The following PIK3CB variants were observed in gnomAD, a reference collection of about 807,000 sequenced individuals.
The protein encoded by PIK3CB is phosphatidylinositol 4,5-bisphosphate 3-kinase catalytic subunit beta isoform.
In PIK3CB, 39 loss-of-function variants were observed where a neutral mutation model predicts 136.8. The observed-to-expected ratio is 0.29, with a 90% CI of 0.22 to 0.37. The LOEUF is 0.37. Ranked by LOEUF, PIK3CB falls within the 10% of genes least tolerant of loss-of-function variation. The probability of loss-of-function intolerance (pLI) is 1.00; values close to 1 mark genes in which losing one functional copy is unlikely to be tolerated. For synonymous variants in PIK3CB, 428 were observed against 436.6 expected, an observed-to-expected ratio of 0.98 and a Z score of 0.25; for missense variants, 868 against 1,275.4, an observed-to-expected ratio of 0.68 and a Z score of 4.87.
intron 1 of PIK3CB, among the ~76,000 whole-genome samples, chr3:138,811,947 G>A (rs1189962912): frequency 1.3e-5 from 2 of 152,034 alleles, no homozygotes; most frequent in African/African-American, 4.8e-5. Flanking sequence ...AAAATTAGCT[G>A]GGTGTAGTGG....
rs376776726 is a variant in PIK3CB at position 138,729,919 on chromosome 3, A to T, written c.1050+3442T>A. Reference sequence around the variant, plus strand: ...TTTACCCTTATCACTTCTATTTGAAATTGTACTGGGATTCTTAGCCAGTGC... The same window carrying T: ...TTTACCCTTATCACTTCTATTTGAATTTGTACTGGGATTCTTAGCCAGTGC... On this transcript the variant is annotated intron_variant, in intron 8 of 23. Transcript: ENST00000674063. 8.5e-5 allele frequency among the ~76,000 whole-genome samples: 13 copies of T among 152,304 alleles called. No individual in the cohort carries two copies. The South Asian group carries it at 2.7e-3, about 32-fold the overall frequency.
At chr3:138,744,805 T>A (rs1377083686) in intron 4 of PIK3CB, among the ~76,000 whole-genome samples, 1 of 152,220 alleles carries the variant, frequency 6.6e-6, no homozygotes, top group Non-Finnish European at 1.5e-5. Flanking sequence ...TTCTTCTACA[T>A]CTTCTTCCTC....
chr3:138,667,086 A>T (rs2043426087), intron 19 of PIK3CB, among the ~76,000 whole-genome samples: 1 of 151,584 alleles, frequency 6.6e-6, no homozygotes, highest in African/African-American at 2.4e-5. Context: ...GTGTGCTCCT[A>T]TAGTCCCAGC....
intron 19 of PIK3CB, among the ~76,000 whole-genome samples, chr3:138,671,755 T>C (rs1328930970): frequency 6.6e-6 from 1 of 152,268 alleles, no homozygotes; most frequent in Non-Finnish European, 1.5e-5. Context: ...CCTTGGCCAG[T>C]TGCCATGAGA....
At position 138,771,841 on chromosome 3, in the gene PIK3CB, G is replaced by A. The variant is rs544890175; in HGVS notation, c.-16-12482C>T. 8.0e-5 allele frequency among the ~76,000 whole-genome samples: 12 copies of A among 150,032 alleles called. No individual in the cohort carries two copies. In the South Asian group the frequency reaches 1.3e-3, roughly 16 times the overall value. ...TGAGGGAGGAGGATCTCTTTCTCTT[G>A]AGCACAGAAGGTGGAGGCTACAGTG... On this transcript the variant is annotated intron_variant, in intron 2 of 23. Transcript: ENST00000674063.
At chr3:138,695,093 T>C (rs2108518363) in intron 13 of PIK3CB, among the ~76,000 whole-genome samples, 186 bp from the exon 14 acceptor site, 1 of 152,330 alleles carries the variant, frequency 6.6e-6, no homozygotes, top group African/African-American at 2.4e-5. Flanking sequence ...AAACATTCTA[T>C]AGATTAAGTC....
At chr3:138,760,066 C>T (rs777096469) in intron 2 of PIK3CB, among the ~76,000 whole-genome samples, 1 of 152,080 alleles carries the variant, frequency 6.6e-6, no homozygotes, top group Admixed American at 6.6e-5. Context: ...AGACTACAGG[C>T]GCCTGCCACC....
At chr3:138,794,140 T>C (rs2046083893) in intron 2 of PIK3CB, among the ~76,000 whole-genome samples, 1 of 152,076 alleles carries the variant, frequency 6.6e-6, no homozygotes, top group Non-Finnish European at 1.5e-5. Flanking sequence ...TTTTTTGTAT[T>C]ATTAGTAGAG....
At chr3:138,809,035 C>A (rs1163716492) in intron 1 of PIK3CB, among the ~76,000 whole-genome samples, 5 of 152,002 alleles carry the variant, frequency 3.3e-5, no homozygotes, top group Admixed American at 3.3e-4. Flanking sequence ...CCTGTAATCT[C>A]AGCCGAGGCG....
At chr3:138,785,133 C>G (rs1038532535) in intron 2 of PIK3CB, among the ~76,000 whole-genome samples, 1 of 151,012 alleles carries the variant, frequency 6.6e-6, no homozygotes, top group Non-Finnish European at 1.5e-5. Context: ...CCGCCCCGTC[C>G]GGGAGGGAGA....
intron 19 of PIK3CB, among the ~76,000 whole-genome samples, chr3:138,681,247 T>C (rs1476847443): frequency 2.6e-5 from 4 of 152,056 alleles, no homozygotes; most frequent in African/African-American, 7.2e-5. Flanking sequence ...GGTTTCACCA[T>C]GTGGGCCAGG....
At chr3:138,716,280 C>A (rs1298211235) in intron 8 of PIK3CB, among the ~76,000 whole-genome samples, 2 of 152,174 alleles carry the variant, frequency 1.3e-5, no homozygotes. Context: ...ATTGCTCCAG[C>A]TCCCCAAGTA....
intron 2 of PIK3CB, among the ~76,000 whole-genome samples, chr3:138,776,612 C>T (rs75842193): frequency 1.3e-5 from 2 of 152,050 alleles, no homozygotes; most frequent in Admixed American, 6.6e-5. Context: ...GGGACGATCG[C>T]CTGAGCCTGG....
chr3:138,684,350 C>G lies in PIK3CB; in HGVS notation c.2315+275G>C, dbSNP rs186246120. The stretch of plus-strand genomic sequence containing the variant: ...ACATTTTGCTTATTAGGATTGTCAA[C>G]TCTTAAAAATCAGTAATATAGAAAA... On this transcript the variant is annotated intron_variant, in intron 17 of 23. Transcript: ENST00000674063. Among the ~76,000 whole-genome samples, 398 of 152,246 alleles carry G rather than the reference C, an allele frequency of 2.6e-3. 4 individuals are homozygous for G. Among genetic ancestry groups the G allele is most frequent in the African/African-American group, 9.3e-3 (388 of 41,532 alleles).
rs2043173014 is a variant in PIK3CB at position 138,655,367 on chromosome 3, C to A, written c.*22G>T. 1 of 1,611,904 alleles carries A rather than the reference C, an allele frequency of 6.2e-7. No homozygotes were observed. The highest frequency in any genetic ancestry group is 1.1e-5 in the South Asian group (1 of 90,724). Reference sequence around the variant, plus strand: ...GAAAATGAAATGAAACCAACAAATACATTAGGAGCGAAGGCTGATCGTTAA... The same window carrying A: ...GAAAATGAAATGAAACCAACAAATAAATTAGGAGCGAAGGCTGATCGTTAA... On this transcript the variant is annotated 3_prime_UTR_variant, in exon 24 of 24. Transcript: ENST00000674063.
At chr3:138,689,504 C>A (rs2043963650) in intron 15 of PIK3CB, among the ~76,000 whole-genome samples, 1 of 152,092 alleles carries the variant, frequency 6.6e-6, no homozygotes, top group African/African-American at 2.4e-5. Context: ...TGTGGCCAGG[C>A]TGGTCTAAAC....
At chr3:138,804,247 T>C (rs2046206667) in intron 1 of PIK3CB, among the ~76,000 whole-genome samples, 1 of 151,960 alleles carries the variant, frequency 6.6e-6, no homozygotes, top group Non-Finnish European at 1.5e-5. Context: ...GGCATGGTAG[T>C]TCATATCTAT....
chr3:138,788,656 CAAAAAAAAAA>C lies in PIK3CB; in HGVS notation c.-17+7797_-17+7806del, dbSNP rs71146142. On this transcript the variant is annotated intron_variant, in intron 2 of 23. Coordinates refer to ENST00000674063, the MANE Select transcript of PIK3CB (RefSeq NM_006219.3). ...TGGGTGACAGAGCAAGACTTTGTCTCAAAAAAAAAAAAAAAAAAAAAAAAGGCCAGGGGCG... is the reference window on the plus strand; with the variant it reads ...TGGGTGACAGAGCAAGACTTTGTCTCAAAAAAAAAAAAAAGGCCAGGGGCG... Among the ~76,000 whole-genome samples the C allele has an allele frequency of 1.8e-3, 68 of 37,728 alleles. 1 individual carries two copies. Among genetic ancestry groups the C allele is most frequent in the African/African-American group, 7.1e-3 (60 of 8,496 alleles). 24.8% of individuals were successfully genotyped at this position (37,728 alleles called of 152,430 possible).
In PIK3CB at chr3:138,681,955, A is replaced by AC; in HGVS notation, c.2504+11dup. On this transcript the variant is annotated intron_variant, in intron 19 of 23. Transcript: ENST00000674063. ...ACATTAGACTGAAAAAAAAAAAAAG[A>AC]CTAGATCTCACCGAAGATCCAAACC... The AC allele has an allele frequency of 6.4e-7, 1 of 1,556,000 alleles. No individual in the cohort carries two copies.
Sources: allele counts gnomAD v4.1 joint callset (sites outside exome capture counted in the v4.1 genomes callset), GRCh38; gene constraint gnomAD v4.1.1; transcripts MANE v1.5; gene names NCBI Gene and HGNC (gene_info 2026-07-23, HGNC 2026-07-21).